HMGXB3: variants seen among roughly 807,000 people sequenced by gnomAD.
HMGXB3 encodes the protein HMG-box containing 3.
In HMGXB3, 45 loss-of-function variants were observed where a neutral mutation model predicts 121.5. The ratio of observed to expected loss-of-function variants is 0.37; its 90% CI spans 0.29 to 0.47. The LOEUF is 0.47. Ranked by LOEUF, HMGXB3 falls within the 20% of genes least tolerant of loss-of-function variation. The probability of loss-of-function intolerance (pLI) is 0.99; values close to 1 mark genes in which losing one functional copy is unlikely to be tolerated. For missense variants in HMGXB3, 1,376 were observed against 1,602.2 expected, an observed-to-expected ratio of 0.86 and a Z score of 2.41; for synonymous variants, 590 against 624.1, an observed-to-expected ratio of 0.95 and a Z score of 0.81.
At chr5:150,022,009 C>G in intron 6 of HMGXB3, 1 of 370,974 alleles carries the variant, frequency 2.7e-6, no homozygotes, top group South Asian at 2.1e-5. Flanking sequence ...AGCGGGCGGA[C>G]CGCAGCTCCG....
intron 7 of HMGXB3, among the ~76,000 whole-genome samples, chr5:150,025,631 G>A (rs575409373): frequency 9.8e-5 from 13 of 132,454 alleles, no homozygotes; most frequent in Non-Finnish European, 1.5e-4. Context: ...GCAGTGGTGC[G>A]AACACAGCTC....
intron 6 of HMGXB3, 90 bp downstream of exon 6, chr5:150,018,787 C>T: frequency 7.9e-7 from 1 of 1,270,112 alleles, no homozygotes; most frequent in Non-Finnish European, 1.1e-6. Context: ...AAAAAGTTAA[C>T]ATTTGTTTTT....
chr5:150,013,629 A>T (rs1259570302), intron 5 of HMGXB3, among the ~76,000 whole-genome samples: 1 of 152,218 alleles, frequency 6.6e-6, no homozygotes, highest in Admixed American at 6.5e-5. Context: ...CAGTGAAGTC[A>T]TCTGGGCCTG....
At chr5:150,018,116 G>A (rs780556200) in intron 5 of HMGXB3, among the ~76,000 whole-genome samples, 4 of 152,220 alleles carry the variant, frequency 2.6e-5, no homozygotes, top group Non-Finnish European at 5.9e-5. Flanking sequence ...GCAGCTGGAT[G>A]CATAGAAGGA....
intron 9 of HMGXB3, among the ~76,000 whole-genome samples, chr5:150,029,830 T>C (rs991793862): frequency 6.6e-6 from 1 of 152,254 alleles, no homozygotes; most frequent in Non-Finnish European, 1.5e-5. Context: ...ACTGTTTTGT[T>C]TTCCACACAG....
chr5:150,044,334 TC>T (rs1245657039), intron 15 of HMGXB3, among the ~76,000 whole-genome samples: 4 of 152,202 alleles, frequency 2.6e-5, no homozygotes, highest in African/African-American at 7.2e-5. Context: ...CATTTCCTGT[TC>T]CCTTGCTCCT....
rs558335562 is a variant in HMGXB3 at position 150,009,961 on chromosome 5, T to C, written c.313-150T>C. On this transcript the variant is annotated intron_variant, in intron 3 of 19. Transcript: ENST00000502717. ...CTGCTGTTGACAGGGGCTGACCTTA[T>C]CTGAATTAGGTCAAGAGAGTAGAGT... The C allele has an allele frequency of 3.9e-4, 312 of 804,108 alleles. 2 individuals are homozygous for C. The Middle Eastern group carries it at 4.0e-3, about 10-fold the overall frequency. The allele number at this position is 804,108 out of a possible 1,614,324, so 49.8% of individuals were successfully genotyped here.
chr5:150,040,639 A>G, intron 13 of HMGXB3, 109 bp from the exon 14 acceptor site: 1 of 1,089,734 alleles, frequency 9.2e-7, no homozygotes. Context: ...CATCCTCCCA[A>G]GTGCCTGCAA....
chr5:150,051,294 A>G (rs1185644881), intron 19 of HMGXB3, among the ~76,000 whole-genome samples: 1 of 151,796 alleles, frequency 6.6e-6, no homozygotes, highest in Admixed American at 6.5e-5. Flanking sequence ...AAGAATAACA[A>G]AGGTTGAGTG....
chr5:150,008,055 T>A (rs894079600), intron 3 of HMGXB3, among the ~76,000 whole-genome samples: 1 of 130,028 alleles, frequency 7.7e-6, no homozygotes, highest in Non-Finnish European at 1.6e-5. Context: ...AGACTCTGTT[T>A]CACACACACA....
intron 6 of HMGXB3, among the ~76,000 whole-genome samples, chr5:150,023,856 G>T (rs1022728828): frequency 6.6e-6 from 1 of 152,208 alleles, no homozygotes; most frequent in African/African-American, 2.4e-5. Context: ...TCTCATAAAA[G>T]GACCACCAAG....
chr5:150,023,600 A>G (rs1756154259), intron 6 of HMGXB3, among the ~76,000 whole-genome samples: 1 of 152,222 alleles, frequency 6.6e-6, no homozygotes, highest in Non-Finnish European at 1.5e-5. Flanking sequence ...AAGCTAAGAC[A>G]CCAAGGACTT....
intron 6 of HMGXB3, among the ~76,000 whole-genome samples, chr5:150,022,917 C>T (rs747574181): frequency 6.7e-6 from 1 of 149,206 alleles, no homozygotes; most frequent in African/African-American, 2.5e-5. Context: ...GTCAAGTGAT[C>T]CTGCCACCTC....
Position 150,051,968 on chromosome 5 carries a change from C to T in HMGXB3, c.3655C>T (p.Pro1219Ser), listed in dbSNP as rs912666320. ...DSKPNGVRQRPIAFDNATHYY... is the reference protein window; with the variant it reads ...DSKPNGVRQRSIAFDNATHYY... ...CAAACCAAACGGTGTCCGCCAGCGG[C>T]CCATTGCCTTCGACAATGCCACTCA... Residue 1219 changes from proline to serine, a missense_variant, in exon 20 of 20, where the codon CCC becomes TCC. Pro to Ser is a moderately conservative substitution (Grantham distance 74). Around this residue, in one of 2 missense-constraint regions of HMGXB3, gnomAD observed 260 missense variants for 233.2 expected, o/e 1.11. Coordinates refer to ENST00000502717, the MANE Select transcript of HMGXB3 (RefSeq NM_014983.3). The T allele has an allele frequency of 9.2e-5, 143 of 1,552,212 alleles. No homozygotes were observed. Among genetic ancestry groups the T allele is most frequent in the Non-Finnish European group, 1.1e-4 (123 of 1,147,144 alleles).
rs191014818 is a variant in HMGXB3, at chr5:150,036,852, G to C, written c.2200G>C (p.Glu734Gln). 3 of 1,551,664 alleles carry C rather than the reference G, an allele frequency of 1.9e-6. No homozygotes were observed. Among genetic ancestry groups the C allele is most frequent in the Non-Finnish European group, 2.6e-6 (3 of 1,147,000 alleles). The change falls in exon 12 of 20, where the codon GAG becomes CAG. Residue 734 changes from glutamate (E) to glutamine (Q), a missense_variant. Transcript: ENST00000502717. ...CGTGAGTGAGGAGACAGTCACCATC[G>C]AGCAAACCTCTTGGTCGAATTATTA... ...SNVSEETVTI[E>Q]QTSWSNYYES...
intron 4 of HMGXB3, among the ~76,000 whole-genome samples, chr5:150,011,600 T>G (rs1039743870): frequency 7.1e-5 from 10 of 140,966 alleles, no homozygotes; most frequent in African/African-American, 3.2e-4. Context: ...GTTGTTTTTT[T>G]TTGGTTTTTT....
intron 4 of HMGXB3, 56 bp from the exon 5 acceptor site, chr5:150,012,199 G>A (rs1048920429): frequency 2.4e-5 from 30 of 1,235,616 alleles, no homozygotes; most frequent in Admixed American, 2.2e-4. Context: ...TGAGTGGCCT[G>A]GGTGTTCTTT....
chr5:150,037,502 G>T lies in HMGXB3; in HGVS notation c.2388G>T (p.Leu796=). The T allele has an allele frequency of 6.5e-7, 1 of 1,532,478 alleles. No homozygotes were observed. The highest frequency in any genetic ancestry group is 8.8e-7 in the Non-Finnish European group (1 of 1,135,478). The allele number at this position is 1,532,478 out of a possible 1,614,324, so 94.9% of individuals were successfully genotyped here. ...KMCLNPHCLA[L]HSFIDIYTGL... Reference sequence around the variant, plus strand: ...GTCTGAACCCCCATTGTCTGGCCCTGCACAGCTTCATAGACATCTACACAG... The same window carrying T: ...GTCTGAACCCCCATTGTCTGGCCCTTCACAGCTTCATAGACATCTACACAG... The change falls in exon 13 of 20, where the codon CTG becomes CTT. Residue 796 remains leucine, a synonymous_variant. Transcript: ENST00000502717.
chr5:150,018,744 C>T lies in HMGXB3; in HGVS notation c.1041+47C>T, dbSNP rs1293054430. 3.3e-6 allele frequency: 5 copies of T among 1,496,924 alleles called. No homozygotes were observed. In the South Asian group the frequency reaches 5.3e-5, roughly 16 times the overall value. The allele number at this position is 1,496,924 out of a possible 1,614,324, so 92.7% of individuals were successfully genotyped here. A position where few individuals can be genotyped will look rare whatever the true frequency, so the allele number is the denominator to read the frequency against. ...TGCTTTGGAAGCCTCACAGAATAGA[C>T]TTTCTGTTTGCCATTAGGAACAGGT... On this transcript the variant is annotated intron_variant, in intron 6 of 19. Coordinates refer to ENST00000502717, the MANE Select transcript of HMGXB3 (RefSeq NM_014983.3).
Sources: gnomAD v4.1 joint callset for allele counts (sites outside exome capture counted in the v4.1 genomes callset) on GRCh38, gnomAD v4.1.1 for gene constraint, gnomAD v4.1.1 regional missense constraint, MANE v1.5 for transcripts, NCBI Gene and HGNC (gene_info 2026-07-23, HGNC 2026-07-21) for gene names.